The following ERC2 variants were observed in gnomAD, a reference collection of about 807,000 sequenced individuals.
ERC2 encodes ERC protein 2.
A neutral mutation model predicts 114.8 loss-of-function variants in ERC2; 42 were observed. That is an observed-to-expected ratio of 0.37 (90% CI 0.29 to 0.47). The LOEUF (loss-of-function observed/expected upper bound fraction) is 0.47, where lower values mean the gene tolerates loss of function less well. Ranked by LOEUF, ERC2 falls within the 20% of genes least tolerant of loss-of-function variation. The pLI is 0.99. For synonymous variants in ERC2, 454 were observed against 425.5 expected (o/e 1.07, Z -0.82); for missense variants, 939 against 1,150.7 (o/e 0.82, Z 2.66).
intron 7 of ERC2, among the ~76,000 whole-genome samples, chr3:56,065,246 C>T (rs1414460563): frequency 6.6e-6 from 1 of 151,970 alleles, no homozygotes; most frequent in East Asian, 1.9e-4. Context: ...TTTTATGAGA[C>T]AGGGTCTCGC....
At chr3:55,724,969 C>A (rs568611835) in intron 15 of ERC2, among the ~76,000 whole-genome samples, 1 of 152,096 alleles carries the variant, frequency 6.6e-6, no homozygotes, top group Non-Finnish European at 1.5e-5. Context: ...GTAAAACATG[C>A]GTTATCACTT....
rs987121180 is a variant in ERC2, at chr3:55,636,434, G to A, written c.*39+47360C>T. On this transcript the variant is annotated intron_variant, in intron 17 of 17. Transcript: ENST00000288221. ...TGCAAAATGGGGTAATAACATCATC[G>A]CCTCACACAGCTGTTATAAGATTGA... 2.0e-4 allele frequency among the ~76,000 whole-genome samples: 31 copies of A among 152,030 alleles called. 1 individual carries two copies. The highest frequency in any genetic ancestry group is 4.4e-5 in the Non-Finnish European group (3 of 68,020).
intron 6 of ERC2, among the ~76,000 whole-genome samples, chr3:56,130,954 A>G (rs1398076639): frequency 6.6e-6 from 1 of 152,220 alleles, no homozygotes; most frequent in East Asian, 1.9e-4. Context: ...AAGTTTTCAC[A>G]TCATTAATAA....
At chr3:56,264,821 T>A (rs1211499956) in intron 3 of ERC2, among the ~76,000 whole-genome samples, 2 of 76,318 alleles carry the variant, frequency 2.6e-5, no homozygotes, top group Admixed American at 1.5e-4. Context: ...AAATATGACC[T>A]ATCCAAAAAA....
At chr3:56,289,469 C>G (rs2054939189) in intron 3 of ERC2, among the ~76,000 whole-genome samples, 1 of 152,188 alleles carries the variant, frequency 6.6e-6, no homozygotes, top group Non-Finnish European at 1.5e-5. Flanking sequence ...CAAAGGCTCC[C>G]CAGAGCCCAC....
intron 3 of ERC2, among the ~76,000 whole-genome samples, chr3:56,199,382 G>C (rs535056910): frequency 6.6e-6 from 1 of 152,038 alleles, no homozygotes; most frequent in Non-Finnish European, 1.5e-5. Flanking sequence ...AAAACTGACA[G>C]GTAAGTGTTC....
At chr3:55,625,374 G>GAAAAAAAAAAAAAAA (rs60450668) in intron 17 of ERC2, among the ~76,000 whole-genome samples, 2 of 119,876 alleles carry the variant, frequency 1.7e-5, no homozygotes, top group African/African-American at 3.1e-5. Context: ...CTCAAAAAAA[G>GAAAAAAAAAAAAAAA]AAAAAAAAAA....
intron 3 of ERC2, among the ~76,000 whole-genome samples, chr3:56,239,989 G>A (rs572002873): frequency 5.9e-5 from 9 of 152,286 alleles, no homozygotes; most frequent in South Asian, 2.1e-4. Context: ...AGGAAAGAGG[G>A]GGAACATTAA....
At chr3:56,051,180 G>A (rs1406058242) in intron 7 of ERC2, among the ~76,000 whole-genome samples, 1 of 152,148 alleles carries the variant, frequency 6.6e-6, no homozygotes, top group Non-Finnish European at 1.5e-5. Context: ...GGGAAGGAAT[G>A]CAATTCATGA....
At chr3:56,036,692 C>T (rs984680785) in intron 7 of ERC2, among the ~76,000 whole-genome samples, 3 of 152,158 alleles carry the variant, frequency 2.0e-5, no homozygotes, top group Admixed American at 1.3e-4. Flanking sequence ...CACCCCCAGA[C>T]AAGGGAGGCA....
intron 1 of ERC2, 88 bp from the exon 2 acceptor site, chr3:56,435,235 G>T: frequency 2.2e-6 from 1 of 457,736 alleles, no homozygotes; most frequent in Non-Finnish European, 3.9e-6. Flanking sequence ...GATAATGATA[G>T]ATGTACCTAT....
chr3:55,656,480 C>T (rs2060872087), intron 17 of ERC2, among the ~76,000 whole-genome samples: 2 of 152,132 alleles, frequency 1.3e-5, no homozygotes, highest in Admixed American at 1.3e-4. Context: ...TACATGGTAG[C>T]TATGCCATCA....
At chr3:55,903,196 C>A (rs558983371) in intron 13 of ERC2, among the ~76,000 whole-genome samples, 1 of 152,246 alleles carries the variant, frequency 6.6e-6, no homozygotes, top group East Asian at 1.9e-4. Context: ...ACATTTTCTA[C>A]GATGTATGTC....
intron 11 of ERC2, among the ~76,000 whole-genome samples, chr3:55,987,431 GA>G (rs1040128627): frequency 7.2e-5 from 11 of 152,284 alleles, no homozygotes; most frequent in Admixed American, 2.0e-4. Context: ...TGATGTCCGT[GA>G]CCTTCCCCAA....
intron 13 of ERC2, among the ~76,000 whole-genome samples, chr3:55,889,622 G>A (rs542838759): frequency 3.3e-5 from 5 of 152,208 alleles, no homozygotes; most frequent in African/African-American, 7.2e-5. Context: ...AAAGACTTCC[G>A]TGGAGCAAGC....
chr3:55,830,191 A>G (rs981926710), intron 14 of ERC2, among the ~76,000 whole-genome samples: 1 of 152,204 alleles, frequency 6.6e-6, no homozygotes, highest in South Asian at 2.1e-4. Flanking sequence ...CAATTTTTTT[A>G]AATCCTGACA....
intron 17 of ERC2, among the ~76,000 whole-genome samples, chr3:55,585,613 C>G (rs1362735349): frequency 6.6e-6 from 1 of 152,112 alleles, no homozygotes; most frequent in East Asian, 1.9e-4. Context: ...AGCAAGATTT[C>G]TATTTGAATT....
intron 3 of ERC2, among the ~76,000 whole-genome samples, chr3:56,293,764 C>A (rs1464272666): frequency 6.6e-6 from 1 of 152,184 alleles, no homozygotes; most frequent in Non-Finnish European, 1.5e-5. Context: ...GTTTAGGGAT[C>A]TAAACATGAT....
intron 6 of ERC2, among the ~76,000 whole-genome samples, chr3:56,089,464 C>T (rs948990297): frequency 6.6e-6 from 1 of 151,940 alleles, no homozygotes; most frequent in African/African-American, 2.4e-5. Flanking sequence ...TAAAAAGAAA[C>T]ATTGAAATTA....
Sources: allele counts gnomAD v4.1 joint callset (sites outside exome capture counted in the v4.1 genomes callset), GRCh38; gene constraint gnomAD v4.1.1; transcripts MANE v1.5; gene names NCBI Gene and HGNC (gene_info 2026-07-23, HGNC 2026-07-21).